WARS2: variants seen among roughly 807,000 people sequenced by gnomAD.
WARS2 encodes tryptophanyl tRNA synthetase 2, mitochondrial.
Under a neutral mutation model 36.5 loss-of-function variants are expected in WARS2, and 28 were observed. That is an observed-to-expected ratio of 0.77 (90% CI 0.57 to 1.05). The LOEUF is 1.05. WARS2 is among the 50% of genes least tolerant of loss of function. The pLI, the probability that WARS2 is intolerant of heterozygous loss-of-function variation, is 0.00. For missense variants in WARS2, 435 were observed against 456.8 expected, an observed-to-expected ratio of 0.95 and a Z score of 0.44; for synonymous variants, 174 against 178.4, an observed-to-expected ratio of 0.98 and a Z score of 0.20.
At chr1:119,068,490 T>C (rs956135809) in intron 2 of WARS2, among the ~76,000 whole-genome samples, 10 of 152,188 alleles carry the variant, frequency 6.6e-5, no homozygotes, top group East Asian at 3.9e-4. Flanking sequence ...ATTCCAGAGA[T>C]GCAAATCCCC....
chr1:119,108,489 C>A (rs1310819685), intron 1 of WARS2, among the ~76,000 whole-genome samples: 1 of 151,908 alleles, frequency 6.6e-6, no homozygotes, highest in African/African-American at 2.4e-5. Context: ...TTCATAACAT[C>A]CCCTTATTAT....
At chr1:119,107,768 G>A (rs933519220) in intron 1 of WARS2, among the ~76,000 whole-genome samples, 17 of 152,030 alleles carry the variant, frequency 1.1e-4, no homozygotes, top group African/African-American at 4.1e-4. Flanking sequence ...AACCTTAGCA[G>A]AAAGCTTCAA....
intron 1 of WARS2, among the ~76,000 whole-genome samples, chr1:119,113,686 A>G (rs372916889): frequency 1.3e-5 from 2 of 152,124 alleles, no homozygotes; most frequent in East Asian, 3.9e-4. Flanking sequence ...AAACTGAACA[A>G]AAAGATCAAA....
At chr1:119,107,045 C>T (rs587669968) in intron 1 of WARS2, among the ~76,000 whole-genome samples, 1 of 152,194 alleles carries the variant, frequency 6.6e-6, no homozygotes, top group African/African-American at 2.4e-5. Flanking sequence ...ATTTGCAATT[C>T]CCTAATGATA....
At chr1:119,076,867 T>A (rs587611616) in intron 1 of WARS2, among the ~76,000 whole-genome samples, 1 of 151,912 alleles carries the variant, frequency 6.6e-6, no homozygotes, top group African/African-American at 2.4e-5. Context: ...CAGCCGGGCG[T>A]GGTGGCTCGT....
chr1:119,031,806 A>G lies in WARS2; in HGVS notation c.*1105T>C, dbSNP rs573229137. 3 of 152,496 alleles carry G rather than the reference A, an allele frequency of 2.0e-5. No individual in the cohort carries two copies. The South Asian group carries it at 6.2e-4, about 32-fold the overall frequency. The allele number at this position is 152,496 out of a possible 1,614,324, so 9.4% of individuals were successfully genotyped here. A position where few individuals can be genotyped will look rare whatever the true frequency, so the allele number is the denominator to read the frequency against. ...CTGCTATTGTAGACTGGCAGAACCTATTTCAAAGTATTTCTGCAATGAGCG... is the reference window on the plus strand; with the variant it reads ...CTGCTATTGTAGACTGGCAGAACCTGTTTCAAAGTATTTCTGCAATGAGCG... On this transcript the variant is annotated 3_prime_UTR_variant, in exon 6 of 6. Transcript: ENST00000235521.
intron 1 of WARS2, among the ~76,000 whole-genome samples, chr1:119,117,395 G>A (rs587703271): frequency 1.3e-5 from 2 of 152,262 alleles, no homozygotes; most frequent in South Asian, 4.1e-4. Context: ...CCATGGCCCT[G>A]CCCATCACCT....
At position 119,032,449 on chromosome 1, in the gene WARS2, AGCTCT is replaced by A. The variant is rs1647501269; in HGVS notation, c.*457_*461del. ...CTATAAGAATGGACTTGTTTTTATG[AGCTCT>A]GAATACAAATTGGCATCTGATCAAA... On this transcript the variant is annotated 3_prime_UTR_variant, in exon 6 of 6. Coordinates refer to ENST00000235521, the MANE Select transcript of WARS2 (RefSeq NM_015836.4). The A allele has an allele frequency of 6.5e-6, 1 of 154,588 alleles. No homozygotes were observed. The highest frequency in any genetic ancestry group is 1.9e-4 in the East Asian group (1 of 5,226). The allele number at this position is 154,588 out of a possible 1,614,324, so 9.6% of individuals were successfully genotyped here.
intron 1 of WARS2, among the ~76,000 whole-genome samples, chr1:119,077,840 G>C (rs1266960073): frequency 6.6e-6 from 1 of 152,034 alleles, no homozygotes; most frequent in African/African-American, 2.4e-5. Flanking sequence ...AACCAAAAAT[G>C]AGTATGTATC....
chr1:119,033,567 T>C (rs1313080395), intron 5 of WARS2, among the ~76,000 whole-genome samples: 2 of 152,250 alleles, frequency 1.3e-5, no homozygotes, highest in Non-Finnish European at 2.9e-5. Flanking sequence ...AGTATAGTAT[T>C]CAATAAATTA....
intron 2 of WARS2, among the ~76,000 whole-genome samples, chr1:119,060,766 T>G (rs1403885316): frequency 6.6e-6 from 1 of 152,172 alleles, no homozygotes; most frequent in African/African-American, 2.4e-5. Context: ...GTTGCAGACA[T>G]AAAAAGCATC....
intron 2 of WARS2, among the ~76,000 whole-genome samples, chr1:119,066,721 C>A (rs2101251633): frequency 6.6e-6 from 1 of 152,196 alleles, no homozygotes; most frequent in Non-Finnish European, 1.5e-5. Flanking sequence ...ACATTTCATG[C>A]ATTACAGTGC....
intron 1 of WARS2, among the ~76,000 whole-genome samples, chr1:119,112,123 T>C (rs1654682719): frequency 6.6e-6 from 1 of 152,104 alleles, no homozygotes; most frequent in Admixed American, 6.6e-5. Flanking sequence ...GGTTTCACCA[T>C]GTTGGTCAGG....
At chr1:119,127,176 A>G in intron 1 of WARS2, 1 of 726,422 alleles carries the variant, frequency 1.4e-6, no homozygotes, top group Non-Finnish European at 2.5e-6. Context: ...TCTTATATTG[A>G]ACATAGCAAG....
intron 1 of WARS2, among the ~76,000 whole-genome samples, chr1:119,113,902 G>C (rs1476009490): frequency 6.6e-6 from 1 of 151,896 alleles, no homozygotes; most frequent in Non-Finnish European, 1.5e-5. Flanking sequence ...TTAATAAAAG[G>C]CTTAAGATGC....
intron 2 of WARS2, among the ~76,000 whole-genome samples, chr1:119,073,084 G>A (rs1206833340): frequency 6.6e-6 from 1 of 151,450 alleles, no homozygotes; most frequent in Non-Finnish European, 1.5e-5. Context: ...GGAATTCGAA[G>A]TTGCAGTGAG....
chr1:119,108,975 C>T (rs1267345863), intron 1 of WARS2, among the ~76,000 whole-genome samples: 2 of 151,860 alleles, frequency 1.3e-5, no homozygotes, highest in Non-Finnish European at 2.9e-5. Flanking sequence ...TATTTGAGCA[C>T]CGTGTTATTA....
At chr1:119,048,762 G>A (rs185891348) in intron 2 of WARS2, among the ~76,000 whole-genome samples, 1 of 152,118 alleles carries the variant, frequency 6.6e-6, no homozygotes, top group Non-Finnish European at 1.5e-5. Flanking sequence ...CTCGTCCTGT[G>A]CCTATAAAAA....
At chr1:119,104,519 A>G (rs1654098536) in intron 1 of WARS2, among the ~76,000 whole-genome samples, 1 of 151,770 alleles carries the variant, frequency 6.6e-6, no homozygotes, top group Admixed American at 6.6e-5. Flanking sequence ...TTCAGCATCT[A>G]ATATGTGGCC....
Sources: gnomAD v4.1 joint callset for allele counts (sites outside exome capture counted in the v4.1 genomes callset) on GRCh38, gnomAD v4.1.1 for gene constraint, MANE v1.5 for transcripts, NCBI Gene and HGNC (gene_info 2026-07-23, HGNC 2026-07-21) for gene names.